PCDH15: variants seen among roughly 807,000 people sequenced by gnomAD.
The protein encoded by PCDH15 is protocadherin-15.
PCDH15 carries 129 observed loss-of-function variants against 178.5 expected under a neutral mutation model. The ratio of observed to expected loss-of-function variants is 0.72; its 90% CI spans 0.63 to 0.84. PCDH15 has a LOEUF of 0.84. Ranked by LOEUF, PCDH15 falls within the 40% of genes least tolerant of loss-of-function variation. PCDH15 has a pLI of 0.00. For synonymous variants in PCDH15, 800 were observed against 732.0 expected (o/e 1.09, Z -1.50); for missense variants, 2,230 against 2,099.9 (o/e 1.06, Z -1.21).
intron 3 of PCDH15, among the ~76,000 whole-genome samples, chr10:54,384,754 G>A (rs1395420307): frequency 1.3e-5 from 2 of 151,942 alleles, no homozygotes; most frequent in African/African-American, 2.4e-5. Flanking sequence ...GTCTTCCTAC[G>A]GTTATAGCAG....
At chr10:54,860,139 G>GT (rs1953813793) in intron 3 of PCDH15, among the ~76,000 whole-genome samples, 2 of 152,114 alleles carry the variant, frequency 1.3e-5, no homozygotes, top group South Asian at 2.1e-4. Flanking sequence ...GTTCTACTGA[G>GT]TTTTTTAAAA....
chr10:55,050,414 T>C (rs1448749954), intron 2 of PCDH15, among the ~76,000 whole-genome samples: 1 of 152,034 alleles, frequency 6.6e-6, no homozygotes, highest in Admixed American at 6.6e-5. Flanking sequence ...CTATGATAAA[T>C]TTAGGTAAAA....
intron 18 of PCDH15, among the ~76,000 whole-genome samples, chr10:54,032,623 A>G (rs1162972008): frequency 1.3e-5 from 2 of 152,112 alleles, no homozygotes; most frequent in African/African-American, 4.8e-5. Flanking sequence ...GAAATATAAG[A>G]AAATAAGACA....
intron 2 of PCDH15, among the ~76,000 whole-genome samples, chr10:55,403,262 C>T (rs1160008804): frequency 1.3e-5 from 2 of 151,462 alleles, no homozygotes; most frequent in East Asian, 3.9e-4. Context: ...CTTATATATT[C>T]CAGGTGTCAG....
intron 2 of PCDH15, among the ~76,000 whole-genome samples, chr10:55,421,939 T>G (rs1367243212): frequency 1.3e-4 from 19 of 151,774 alleles, no homozygotes; most frequent in Admixed American, 1.3e-3. Flanking sequence ...TCAATTAGCA[T>G]ATTTATAGCA....
intron 9 of PCDH15, among the ~76,000 whole-genome samples, chr10:54,220,361 C>G (rs2052639740): frequency 6.6e-6 from 1 of 152,132 alleles, no homozygotes; most frequent in South Asian, 2.1e-4. Flanking sequence ...GTAAAATATT[C>G]TGAACTCTCA....
chr10:54,108,150 C>A (rs1485082043), intron 15 of PCDH15, among the ~76,000 whole-genome samples: 2 of 152,076 alleles, frequency 1.3e-5, no homozygotes, highest in African/African-American at 4.8e-5. Flanking sequence ...CTGAAACAAA[C>A]AACTTTCATA....
chr10:54,824,172 G>C (rs1192700277), intron 3 of PCDH15, among the ~76,000 whole-genome samples: 1 of 151,972 alleles, frequency 6.6e-6, no homozygotes, highest in East Asian at 1.9e-4. Context: ...CTCACTACCT[G>C]TATAAATTCA....
intron 2 of PCDH15, among the ~76,000 whole-genome samples, chr10:55,535,891 A>G (rs1335001066): frequency 6.6e-6 from 1 of 152,088 alleles, no homozygotes; most frequent in Non-Finnish European, 1.5e-5. Context: ...AATTCATCAG[A>G]CCATACCTTA....
At chr10:54,412,082 T>A (rs2135653357) in intron 3 of PCDH15, among the ~76,000 whole-genome samples, 1 of 152,066 alleles carries the variant, frequency 6.6e-6, no homozygotes, top group South Asian at 2.1e-4. Flanking sequence ...CATTATAGAT[T>A]GAAGGCATGT....
chr10:54,925,245 G>T (rs1000628739), intron 2 of PCDH15, among the ~76,000 whole-genome samples: 22 of 152,112 alleles, frequency 1.4e-4, no homozygotes, highest in Non-Finnish European at 2.8e-4. Context: ...CTGAAGAGTA[G>T]ATTGTAGTAG....
chr10:55,047,406 C>A (rs933410497), intron 2 of PCDH15, among the ~76,000 whole-genome samples: 1 of 140 alleles, frequency 7.1e-3, no homozygotes, highest in Non-Finnish European at 0.02. Context: ...AATGTAAAGA[C>A]TTCAATCTCA....
rs977328503 is a variant in PCDH15, at chr10:54,160,797, T to A, written c.1591-7504A>T. On this transcript the variant is annotated intron_variant, in intron 13 of 37. Transcript: ENST00000644397. The stretch of plus-strand genomic sequence containing the variant: ...GATCAATAAATGGCTAATAAGCACA[T>A]GGAAGTATCTCAAATTAATTTGTCA... Among the ~76,000 whole-genome samples the A allele has an allele frequency of 5.9e-5, 9 of 152,250 alleles. No homozygotes were observed. In the East Asian group the frequency reaches 1.4e-3, roughly 23 times the overall value.
At chr10:53,823,658 C>T (rs1033913107) in intron 32 of PCDH15, 4 of 487,912 alleles carry the variant, frequency 8.2e-6, no homozygotes, top group Admixed American at 5.1e-5. Flanking sequence ...TGTGATACAG[C>T]AAAGCATCCA....
At chr10:54,525,513 A>C (rs2083283267) in intron 3 of PCDH15, among the ~76,000 whole-genome samples, 1 of 152,146 alleles carries the variant, frequency 6.6e-6, no homozygotes, top group Non-Finnish European at 1.5e-5. Context: ...GTGCAGTGGA[A>C]TGATCTCAGC....
intron 2 of PCDH15, among the ~76,000 whole-genome samples, chr10:55,044,629 A>G (rs1165269977): frequency 6.6e-6 from 1 of 152,152 alleles, no homozygotes; most frequent in Non-Finnish European, 1.5e-5. Context: ...CAAATAAACT[A>G]TAATTACCTT....
At chr10:54,436,636 C>T (rs189800609) in intron 3 of PCDH15, among the ~76,000 whole-genome samples, 2 of 152,044 alleles carry the variant, frequency 1.3e-5, no homozygotes, top group Admixed American at 1.3e-4. Context: ...TGCTTTTTAC[C>T]CCTTTTGTTA....
intron 6 of PCDH15, among the ~76,000 whole-genome samples, chr10:54,340,475 C>G (rs959432261): frequency 4.6e-5 from 7 of 152,108 alleles, no homozygotes; most frequent in African/African-American, 1.4e-4. Context: ...AGCTCAAGTG[C>G]TTTTGTTAAC....
chr10:54,670,414 TGA>T (rs1027063627), intron 1 of PCDH15, among the ~76,000 whole-genome samples: 2 of 152,138 alleles, frequency 1.3e-5, no homozygotes, highest in African/African-American at 4.8e-5. Flanking sequence ...ACATGTCTGT[TGA>T]GTCTATTCAT....
Sources: gnomAD v4.1 joint callset for allele counts (sites outside exome capture counted in the v4.1 genomes callset) on GRCh38, gnomAD v4.1.1 for gene constraint, MANE v1.5 for transcripts, NCBI Gene and HGNC (gene_info 2026-07-23, HGNC 2026-07-21) for gene names.